EMC1: variants seen among roughly 807,000 people sequenced by gnomAD.
EMC1 encodes KIAA0090.
In EMC1, 103 loss-of-function variants were observed where a neutral mutation model predicts 128.8. The observed-to-expected ratio is 0.80, with a 90% CI of 0.68 to 0.94. The LOEUF is 0.94. Among genes scored for constraint, EMC1 ranks in the 40% least tolerant of loss-of-function variants. The probability of loss-of-function intolerance (pLI) is 0.00; values close to 1 mark genes in which losing one functional copy is unlikely to be tolerated. For missense variants in EMC1, 1,083 were observed against 1,250.6 expected (o/e 0.87, Z 2.02); for synonymous variants, 442 against 490.4 (o/e 0.90, Z 1.30).
Position 19,222,724 on chromosome 1 carries a change from C to CT in EMC1, c.2486dup (p.Leu830AlafsTer46). 6.2e-7 allele frequency: 1 copy of CT among 1,614,128 alleles called. No homozygotes were observed. Among genetic ancestry groups the CT allele is most frequent in the Non-Finnish European group, 8.5e-7 (1 of 1,180,022 alleles). ...AGGACTGCTGGAGGACCTGGGGCAGCTGGGGGCGGTCCAGGGAGCTGAAGG... is the reference window on the plus strand; with the variant it reads ...AGGACTGCTGGAGGACCTGGGGCAGCTTGGGGGCGGTCCAGGGAGCTGAAGG... On this transcript the variant is annotated frameshift_variant, in exon 20 of 23. Transcript: ENST00000477853. LOFTEE classifies it high-confidence loss of function.
chr1:19,231,428 A>G lies in EMC1; in HGVS notation c.1783-6T>C. ...AGAGAACTCATTCCCGACTCCTAAA[A>G]TGAGCAAACTGTCAGGCTCCACCAA... On this transcript the variant is annotated splice_region_variant and splice_polypyrimidine_tract_variant and intron_variant, in intron 15 of 22. Coordinates refer to ENST00000477853, the MANE Select transcript of EMC1 (RefSeq NM_015047.3). The G allele has an allele frequency of 6.2e-7, 1 of 1,610,112 alleles. No individual in the cohort carries two copies. The highest frequency in any genetic ancestry group is 8.5e-7 in the Non-Finnish European group (1 of 1,178,884).
intron 13 of EMC1, among the ~76,000 whole-genome samples, chr1:19,234,586 C>T (rs1162909650): frequency 1.3e-5 from 2 of 152,208 alleles, no homozygotes; most frequent in Non-Finnish European, 2.9e-5. Flanking sequence ...GCAGCTCACG[C>T]CTGTAATCCC....
At chr1:19,227,972 G>A (rs1018490555) in intron 17 of EMC1, among the ~76,000 whole-genome samples, 5 of 152,164 alleles carry the variant, frequency 3.3e-5, no homozygotes, top group Non-Finnish European at 4.4e-5. Flanking sequence ...TCGGGAGGCC[G>A]AGGCAGGTGG....
At chr1:19,245,197 G>A (rs947450421) in intron 1 of EMC1, among the ~76,000 whole-genome samples, 167 bp from the exon 2 acceptor site, 5 of 152,152 alleles carry the variant, frequency 3.3e-5, no homozygotes, top group Non-Finnish European at 5.9e-5. Context: ...CAACACTTTG[G>A]GAGGCCGAGG....
At chr1:19,238,897 G>A (rs1255721183) in intron 9 of EMC1, 40 bp from the exon 10 acceptor site, 13 of 1,357,948 alleles carry the variant, frequency 9.6e-6, no homozygotes, top group African/African-American at 4.4e-5. Flanking sequence ...TCAGCCAAAG[G>A]GTCACTTCCC....
At chr1:19,240,542 G>A (rs2093599233) in intron 6 of EMC1, 96 bp from the exon 7 acceptor site, 2 of 1,390,192 alleles carry the variant, frequency 1.4e-6, no homozygotes, top group East Asian at 2.3e-5. Context: ...CCCACTGGGG[G>A]TCCTAAGCTC....
chr1:19,219,934 G>GA lies in EMC1; in HGVS notation c.2673-237dup, dbSNP rs2093418841. 11 of 503,974 alleles carry GA rather than the reference G, an allele frequency of 2.2e-5. No homozygotes were observed. The South Asian group carries it at 2.7e-4, about 13-fold the overall frequency. The allele number at this position is 503,974 out of a possible 1,614,324, so 31.2% of individuals were successfully genotyped here. On this transcript the variant is annotated intron_variant, in intron 21 of 22. Coordinates refer to ENST00000477853, the MANE Select transcript of EMC1 (RefSeq NM_015047.3). ...TAGATTCCTACTTTGTTCTAAATCTGAAAAGAAAGAACATACAGATGACTG... is the reference window on the plus strand; with the variant it reads ...TAGATTCCTACTTTGTTCTAAATCTGAAAAAGAAAGAACATACAGATGACTG...
chr1:19,230,735 T>A (rs945876253), intron 17 of EMC1, 109 bp downstream of exon 17: 18 of 1,379,256 alleles, frequency 1.3e-5, no homozygotes, highest in Non-Finnish European at 1.8e-5. Flanking sequence ...AGGATTATGC[T>A]AATCTAAGTT....
intron 18 of EMC1, among the ~76,000 whole-genome samples, 190 bp downstream of exon 18, chr1:19,227,123 C>A (rs111567717): frequency 6.6e-5 from 10 of 152,288 alleles, no homozygotes; most frequent in Middle Eastern, 3.4e-3. Context: ...ATGAACATCC[C>A]ATGTGATCAT....
chr1:19,245,612 G>C (rs1446616892), intron 1 of EMC1, among the ~76,000 whole-genome samples: 1 of 145,998 alleles, frequency 6.8e-6, no homozygotes, highest in Non-Finnish European at 1.5e-5. Flanking sequence ...ACACCCAAAA[G>C]GGCACCTTAC....
At chr1:19,234,562 TC>T (rs1200212289) in intron 13 of EMC1, among the ~76,000 whole-genome samples, 1 of 152,090 alleles carries the variant, frequency 6.6e-6, no homozygotes, top group Non-Finnish European at 1.5e-5. Flanking sequence ...AAGACTTTAT[TC>T]CCCCCAGGCG....
At chr1:19,229,816 T>A (rs1412926360) in intron 17 of EMC1, among the ~76,000 whole-genome samples, 1 of 152,216 alleles carries the variant, frequency 6.6e-6, no homozygotes, top group Non-Finnish European at 1.5e-5. Flanking sequence ...AACAACCTTA[T>A]GAGACAGGTA....
At chr1:19,234,072 A>G in intron 13 of EMC1, 1 of 418,678 alleles carries the variant, frequency 2.4e-6, no homozygotes, top group Non-Finnish European at 3.2e-6. Context: ...ACACACACAC[A>G]CCCCAAGGAT....
rs2093588834 is a variant in EMC1 at position 19,239,273 on chromosome 1, C to A, written c.984G>T (p.Gly328=). ...QTALVSFATT[G]EKTVAAVMAC... ...CCATGACTGCAGCCACCGTCTTCTC[C>A]CCAGTGGTGGCAAAGCTCACTAGGG... The change falls in exon 9 of 23, where the codon GGG becomes GGT. Residue 328 remains glycine, a synonymous_variant. Transcript: ENST00000477853. 1 of 1,614,152 alleles carries A rather than the reference C, an allele frequency of 6.2e-7. No homozygotes were observed. Among genetic ancestry groups the A allele is most frequent in the Non-Finnish European group, 8.5e-7 (1 of 1,179,998 alleles).
chr1:19,238,789 C>T lies in EMC1; in HGVS notation c.1089+6G>A, dbSNP rs2093585309. 4 of 1,603,372 alleles carry T rather than the reference C, an allele frequency of 2.5e-6. No individual in the cohort carries two copies. The highest frequency in any genetic ancestry group is 2.2e-5 in the South Asian group (2 of 90,860). ...GTCTGGCATACTGCCCAGTGCCACACCATACCTTTGAACTAGACTTCTCCG... is the reference window on the plus strand; with the variant it reads ...GTCTGGCATACTGCCCAGTGCCACATCATACCTTTGAACTAGACTTCTCCG... On this transcript the variant is annotated splice_donor_region_variant and intron_variant, in intron 10 of 22. Transcript: ENST00000477853.
rs181937547 is a variant in EMC1 at position 19,231,505 on chromosome 1, C to T, written c.1783-83G>A. ...TAGACCTGAAGAGCTGGGACTCCAG[C>T]TCAACAACTGTGGGGGTTCTCTAGT... On this transcript the variant is annotated intron_variant, in intron 15 of 22. Transcript: ENST00000477853. The T allele has an allele frequency of 4.2e-4, 591 of 1,413,038 alleles. 3 individuals are homozygous for T. The Middle Eastern group carries it at 0.014, about 33-fold the overall frequency. The allele number at this position is 1,413,038 out of a possible 1,614,324, so 87.5% of individuals were successfully genotyped here. A position where few individuals can be genotyped will look rare whatever the true frequency, so the allele number is the denominator to read the frequency against.
At position 19,240,277 on chromosome 1, in the gene EMC1, A is replaced by C. The variant is rs765437156; in HGVS notation, c.786+20T>G. ...CGCAGGAAATGCCTCAGGCCAGAAGAAGCAGTGGCAGCCTCTCACCTGCAG... is the reference window on the plus strand; with the variant it reads ...CGCAGGAAATGCCTCAGGCCAGAAGCAGCAGTGGCAGCCTCTCACCTGCAG... On this transcript the variant is annotated intron_variant, in intron 7 of 22. Coordinates refer to ENST00000477853, the MANE Select transcript of EMC1 (RefSeq NM_015047.3). The C allele has an allele frequency of 1.3e-5, 21 of 1,613,944 alleles. No individual in the cohort carries two copies. Among genetic ancestry groups the C allele is most frequent in the Admixed American group, 6.7e-5 (4 of 59,996 alleles).
chr1:19,232,967 T>C lies in EMC1; in HGVS notation c.1601A>G (p.Lys534Arg), dbSNP rs960142415. The C allele has an allele frequency of 1.9e-6, 3 of 1,614,108 alleles. No individual in the cohort carries two copies. Among genetic ancestry groups the C allele is most frequent in the African/African-American group, 2.7e-5 (2 of 74,936 alleles). The change falls in exon 14 of 23, where the codon AAG (lysine) becomes AGG (arginine). Residue 534 changes from lysine to arginine, a missense_variant. By Grantham distance (26) the Lys-to-Arg change is conservative (BLOSUM62 2). This residue lies in a region of EMC1 where 527 missense variants were observed against 644.1 expected (regional missense o/e 0.82). Transcript: ENST00000477853. ...TLARDEFNLQ[K>R]MMVMVTASGK... ...TGAGGCTGTTACCATCACCATCATCTTCTGGAGGTTGAATTCATCTCTGGC... is the reference window on the plus strand; with the variant it reads ...TGAGGCTGTTACCATCACCATCATCCTCTGGAGGTTGAATTCATCTCTGGC...
At position 19,245,627 on chromosome 1, in the gene EMC1, C is replaced by CTTTTTTTTTTTTTTTT. The variant is rs539316345; in HGVS notation, c.96-598_96-597insAAAAAAAAAAAAAAAA. 6.8e-4 allele frequency among the ~76,000 whole-genome samples: 84 copies of CTTTTTTTTTTTTTTTT among 123,126 alleles called. 5 individuals carry two copies. The highest frequency in any genetic ancestry group is 2.7e-3 in the African/African-American group (79 of 29,250). 80.8% of individuals were successfully genotyped at this position (123,126 alleles called of 152,430 possible). On this transcript the variant is annotated intron_variant, in intron 1 of 22. Coordinates refer to ENST00000477853, the MANE Select transcript of EMC1 (RefSeq NM_015047.3). The stretch of plus-strand genomic sequence containing the variant: ...ACACCCAAAAGGGCACCTTACCTTT[C>CTTTTTTTTTTTTTTTT]TTTTTTTTTTTTTTGAGACGAAGTC...
Sources: allele counts gnomAD v4.1 joint callset (sites outside exome capture counted in the v4.1 genomes callset), GRCh38; gene constraint gnomAD v4.1.1; regional missense constraint gnomAD v4.1.1; transcripts MANE v1.5; gene names NCBI Gene and HGNC (gene_info 2026-07-23, HGNC 2026-07-21).